SCN9A: variants seen among roughly 807,000 people sequenced by gnomAD.
SCN9A encodes sodium channel protein type 9 subunit alpha.
A neutral mutation model predicts 187.0 loss-of-function variants in SCN9A; 131 were observed. The ratio of observed to expected loss-of-function variants is 0.70; its 90% CI spans 0.61 to 0.81. The LOEUF (loss-of-function observed/expected upper bound fraction) is 0.81. Among genes scored for constraint, SCN9A ranks in the 30% least tolerant of loss-of-function variants. The pLI is 0.00. For synonymous variants in SCN9A, 809 were observed against 808.6 expected, an observed-to-expected ratio of 1.00 and a Z score of -0.01; for missense variants, 2,252 against 2,396.6, an observed-to-expected ratio of 0.94 and a Z score of 1.26.
At chr2:166,288,162 TAC>T (rs10584581) in intron 10 of SCN9A, among the ~76,000 whole-genome samples, 16,104 of 146,736 alleles carry the variant, frequency 0.11, 1,050 homozygotes, top group Admixed American at 0.18. Context: ...TATATAGACA[TAC>T]ACACACACAC....
chr2:166,284,345 G>T (rs527310169), intron 12 of SCN9A, 108 bp downstream of exon 12: 27 of 1,310,132 alleles, frequency 2.1e-5, no homozygotes, highest in Middle Eastern at 4.4e-4. Context: ...AAAAAGTATT[G>T]CAAAATGCAG....
Position 166,338,792 on chromosome 2 carries a change from G to A in SCN9A, c.-50-26986C>T, listed in dbSNP as rs73972306. ...ACAAATCAGTTATTTTGTAGAATGCGTCTCAACTTGGGTTCACTGAATTTT... is the reference window on the plus strand; with the variant it reads ...ACAAATCAGTTATTTTGTAGAATGCATCTCAACTTGGGTTCACTGAATTTT... On this transcript the variant is annotated intron_variant, in intron 1 of 26. Coordinates refer to ENST00000642356, the MANE Select transcript of SCN9A (RefSeq NM_001365536.1). Among the ~76,000 whole-genome samples the A allele has an allele frequency of 5.7e-4, 86 of 152,146 alleles. 3 individuals are homozygous for A. In the South Asian group the frequency reaches 0.016, roughly 29 times the overall value.
intron 1 of SCN9A, among the ~76,000 whole-genome samples, chr2:166,316,648 C>A (rs910518265): frequency 1.3e-5 from 2 of 152,170 alleles, no homozygotes; most frequent in African/African-American, 2.4e-5. Flanking sequence ...GAGCCAAGAT[C>A]GTGCCACTGC....
At chr2:166,214,354 C>T (rs966424388) in intron 24 of SCN9A, among the ~76,000 whole-genome samples, 3 of 152,198 alleles carry the variant, frequency 2.0e-5, no homozygotes, top group South Asian at 2.1e-4. Flanking sequence ...GTTTTCCAGC[C>T]GCTCCCTGTG....
Position 166,211,414 on chromosome 2 carries a change from C to T in SCN9A, c.4399-6950G>A, listed in dbSNP as rs183302033. On this transcript the variant is annotated intron_variant, in intron 24 of 26. Coordinates refer to ENST00000642356, the MANE Select transcript of SCN9A (RefSeq NM_001365536.1). ...CTAAAGTGAGTTCTTCAAGTTGAAA[C>T]GAAAGCATGGTAAAGAGCAACACAA... 1.5e-3 allele frequency among the ~76,000 whole-genome samples: 224 copies of T among 151,952 alleles called. 1 individual carries two copies. The highest frequency in any genetic ancestry group is 5.0e-3 in the African/African-American group (208 of 41,462).
At chr2:166,241,908 AG>A (rs1292386254) in intron 19 of SCN9A, among the ~76,000 whole-genome samples, 1 of 152,152 alleles carries the variant, frequency 6.6e-6, no homozygotes, top group Non-Finnish European at 1.5e-5. Flanking sequence ...TCAAGAAGGC[AG>A]GGGGAAAAGC....
chr2:166,249,530 G>T (rs186179519), intron 18 of SCN9A: 1 of 152,124 alleles, frequency 6.6e-6, no homozygotes, highest in Non-Finnish European at 1.5e-5. Context: ...ACATAAAAGG[G>T]ATGTGACTCA....
At chr2:166,343,838 G>A (rs1463971776) in intron 1 of SCN9A, among the ~76,000 whole-genome samples, 1 of 152,050 alleles carries the variant, frequency 6.6e-6, no homozygotes, top group Non-Finnish European at 1.5e-5. Flanking sequence ...AGTGGAGATA[G>A]CAATTATCCC....
intron 14 of SCN9A, 62 bp from the exon 15 acceptor site, chr2:166,278,375 A>T: frequency 3.9e-6 from 5 of 1,291,586 alleles, no homozygotes; most frequent in Non-Finnish European, 5.3e-6. Context: ...ACACAATGAT[A>T]ATAATCACTG....
In SCN9A at chr2:166,199,292, A is replaced by G; in HGVS notation, c.5347T>C (p.Tyr1783His). ...GGATCAAACTTCTCCCAAACCTCAT[A>G]GAACATCTCAAAGTCATCCTCACTC... The part of the protein sequence containing the change: ...PLSEDDFEMF[Y>H]EVWEKFDPDA... The change falls in exon 27 of 27, where the codon TAT becomes CAT. Residue 1783 changes from tyrosine (Y) to histidine (H), a missense_variant. Physicochemically the swap from Tyr to His is moderately conservative, Grantham distance 83. Around this residue, in one of 7 missense-constraint regions of SCN9A, gnomAD observed 345 missense variants for 344.6 expected, o/e 1.00. Transcript: ENST00000642356. The G allele has an allele frequency of 6.2e-7, 1 of 1,614,200 alleles. No homozygotes were observed. Among genetic ancestry groups the G allele is most frequent in the Non-Finnish European group, 8.5e-7 (1 of 1,180,040 alleles).
rs954444771 is a variant in SCN9A, at chr2:166,284,385, C to T, written c.1974+68G>A. ...ATTCACAAGACCAGAGAAGGCCCTT[C>T]AGCAGAGAGACTGACTGATGCAGGA... On this transcript the variant is annotated intron_variant, in intron 12 of 26. Transcript: ENST00000642356. 23 of 1,536,996 alleles carry T rather than the reference C, an allele frequency of 1.5e-5. No homozygotes were observed. The East Asian group carries it at 1.9e-4, about 13-fold the overall frequency.
At chr2:166,262,719 A>T (rs992475288) in intron 17 of SCN9A, among the ~76,000 whole-genome samples, 3 of 152,012 alleles carry the variant, frequency 2.0e-5, no homozygotes, top group African/African-American at 7.2e-5. Flanking sequence ...TTAATCTTTT[A>T]GAATCGCAGT....
chr2:166,345,503 G>A (rs971535456), intron 1 of SCN9A, among the ~76,000 whole-genome samples: 1 of 150,952 alleles, frequency 6.6e-6, no homozygotes, highest in African/African-American at 2.5e-5. Context: ...GTTGAGGTCA[G>A]TATGCTCTTG....
chr2:166,358,083 T>A (rs1261809379), intron 1 of SCN9A, among the ~76,000 whole-genome samples: 1 of 142,772 alleles, frequency 7.0e-6, no homozygotes, highest in East Asian at 2.0e-4. Context: ...TATTTATTTA[T>A]TTTGAGATGG....
At chr2:166,364,956 C>T (rs1334363243) in intron 1 of SCN9A, among the ~76,000 whole-genome samples, 2 of 152,050 alleles carry the variant, frequency 1.3e-5, no homozygotes, top group Non-Finnish European at 2.9e-5. Context: ...TGACAACATG[C>T]GGTGTCTCCT....
intron 1 of SCN9A, among the ~76,000 whole-genome samples, chr2:166,354,791 G>A (rs912212095): frequency 1.3e-5 from 2 of 152,088 alleles, no homozygotes; most frequent in African/African-American, 4.8e-5. Context: ...TTAAATCCAA[G>A]ACACATTTAT....
chr2:166,241,691 C>T (rs1446536982), intron 19 of SCN9A, among the ~76,000 whole-genome samples: 1 of 143,288 alleles, frequency 7.0e-6, no homozygotes, highest in Non-Finnish European at 1.5e-5. Context: ...AGCAGTTGTT[C>T]TCCTTGCTAC....
chr2:166,368,185 T>C (rs17766807), intron 1 of SCN9A, among the ~76,000 whole-genome samples: 30,924 of 152,206 alleles, frequency 0.2, 4,057 homozygotes, highest in Non-Finnish European at 0.29. Flanking sequence ...TCACCTCAAA[T>C]GGTGGTCATG....
intron 2 of SCN9A, among the ~76,000 whole-genome samples, chr2:166,308,238 A>T (rs186648437): frequency 2.8e-3 from 421 of 152,308 alleles, no homozygotes; most frequent in Admixed American, 5.0e-3. Flanking sequence ...CTGTATTTTT[A>T]AAAAATTATT....
Sources: gnomAD v4.1 joint callset for allele counts (sites outside exome capture counted in the v4.1 genomes callset) on GRCh38, gnomAD v4.1.1 for gene constraint, gnomAD v4.1.1 regional missense constraint, MANE v1.5 for transcripts, NCBI Gene and HGNC (gene_info 2026-07-23, HGNC 2026-07-21) for gene names.